The following DTWD2 variants were observed in gnomAD, a reference collection of about 807,000 sequenced individuals.
The protein encoded by DTWD2 is tRNA-uridine aminocarboxypropyltransferase 2.
In DTWD2, 39 loss-of-function variants were observed where a neutral mutation model predicts 31.8. The ratio of observed to expected loss-of-function variants is 1.22; its 90% CI spans 0.95 to 1.60. DTWD2 has a LOEUF of 1.60. DTWD2 is among the 40% of genes most tolerant of loss of function. The pLI is 0.00. For synonymous variants in DTWD2, 180 were observed against 142.8 expected, an observed-to-expected ratio of 1.26 and a Z score of -1.86; for missense variants, 515 against 381.5, an observed-to-expected ratio of 1.35 and a Z score of -2.92.
chr5:118,913,551 A>G lies in DTWD2; in HGVS notation c.597+14986T>C, dbSNP rs192117674. ...TTAAGTAAGAATTATATACAAAACC[A>G]AACTGTATTTCACTTGTCACAAGAA... is the stretch of plus-strand genomic sequence containing the variant. On this transcript the variant is annotated intron_variant, in intron 4 of 5. Coordinates refer to ENST00000510708, the MANE Select transcript of DTWD2 (RefSeq NM_173666.4). 2.4e-3 allele frequency among the ~76,000 whole-genome samples: 365 copies of G among 151,800 alleles called. 2 individuals are homozygous for G. The highest frequency in any genetic ancestry group is 5.4e-3 in the South Asian group (26 of 4,814).
At chr5:118,945,774 A>AAAAGAAAGAAAGAAAGAAAG (rs56103316) in intron 1 of DTWD2, among the ~76,000 whole-genome samples, 1,975 of 134,242 alleles carry the variant, frequency 0.015, 86 homozygotes, top group African/African-American at 0.054. Context: ...CAAAAAAAAA[A>AAAAGAAAGAAAGAAAGAAAG]AAAGAAAGAA....
chr5:118,898,658 C>CAA (rs200407705), intron 4 of DTWD2, among the ~76,000 whole-genome samples: 1,333 of 82,172 alleles, frequency 0.016, 22 homozygotes, highest in South Asian at 0.047. Flanking sequence ...GACTCCATCT[C>CAA]AAAAAAAAAA....
chr5:118,844,680 A>T (rs1246906957), intron 5 of DTWD2, among the ~76,000 whole-genome samples: 1 of 152,220 alleles, frequency 6.6e-6, no homozygotes, highest in Non-Finnish European at 1.5e-5. Context: ...ACTACTTCAA[A>T]ATCCACATTG....
At chr5:118,871,275 T>C (rs534673419) in intron 4 of DTWD2, among the ~76,000 whole-genome samples, 34 of 152,330 alleles carry the variant, frequency 2.2e-4, no homozygotes, top group Admixed American at 1.8e-3. Flanking sequence ...CCCCTCAAAG[T>C]CATCCACGAG....
intron 2 of DTWD2, among the ~76,000 whole-genome samples, chr5:118,939,681 A>G (rs1754138509): frequency 6.6e-6 from 1 of 152,218 alleles, no homozygotes; most frequent in Non-Finnish European, 1.5e-5. Context: ...TTATGCCCAA[A>G]AAAGCAAGGA....
intron 1 of DTWD2, among the ~76,000 whole-genome samples, chr5:118,968,073 T>G (rs1383791998): frequency 6.6e-6 from 1 of 152,152 alleles, no homozygotes; most frequent in Non-Finnish European, 1.5e-5. Context: ...GACTATTAAT[T>G]TGTAGCTAGT....
intron 4 of DTWD2, among the ~76,000 whole-genome samples, chr5:118,893,360 CAAAAA>C (rs751616981): frequency 1.9e-5 from 1 of 52,566 alleles, no homozygotes; most frequent in Non-Finnish European, 4.4e-5. Context: ...GACACAGTCT[CAAAAA>C]AAAAAAAAAA....
rs146682760 is a variant in DTWD2, at chr5:118,907,318, C to T, written c.597+21219G>A. On this transcript the variant is annotated intron_variant, in intron 4 of 5. Transcript: ENST00000510708. ...TAGACTTGTATTAGTCAGGGTTCTC[C>T]CCAGAAACAGAACTATTAGGATATA... Among the ~76,000 whole-genome samples the T allele has an allele frequency of 2.7e-3, 412 of 152,130 alleles. 1 individual carries two copies. Among genetic ancestry groups the T allele is most frequent in the African/African-American group, 9.4e-3 (392 of 41,498 alleles).
Position 118,842,861 on chromosome 5 carries a change from C to T in DTWD2, c.727-1774G>A, listed in dbSNP as rs1240636589. 2.6e-5 allele frequency among the ~76,000 whole-genome samples: 4 copies of T among 151,166 alleles called. No individual in the cohort carries two copies. In the East Asian group the frequency reaches 7.9e-4, roughly 30 times the overall value. On this transcript the variant is annotated intron_variant, in intron 5 of 5. Coordinates refer to ENST00000510708, the MANE Select transcript of DTWD2 (RefSeq NM_173666.4). The stretch of plus-strand genomic sequence containing the variant: ...ACTCGGGAGGCTGAGGCAGGAGGAT[C>T]GCTTGAGCCTGGGAGGTCAAGGCGG...
In DTWD2 at chr5:118,964,071, G is replaced by C. The variant is rs541139039; in HGVS notation, c.219-19422C>G. 2.6e-5 allele frequency among the ~76,000 whole-genome samples: 4 copies of C among 151,976 alleles called. No individual in the cohort carries two copies. In the South Asian group the frequency reaches 8.3e-4, roughly 32 times the overall value. ...TTAAAAATACAAAAATTAGCCAGGCGTGGTGGCTCACGCTTGTAATTCCAG... is the reference window on the plus strand; with the variant it reads ...TTAAAAATACAAAAATTAGCCAGGCCTGGTGGCTCACGCTTGTAATTCCAG... On this transcript the variant is annotated intron_variant, in intron 1 of 5. Coordinates refer to ENST00000510708, the MANE Select transcript of DTWD2 (RefSeq NM_173666.4).
At chr5:118,961,973 G>A (rs1442583721) in intron 1 of DTWD2, among the ~76,000 whole-genome samples, 2 of 152,220 alleles carry the variant, frequency 1.3e-5, no homozygotes, top group Non-Finnish European at 2.9e-5. Flanking sequence ...CAGGCGCAGT[G>A]GCTCATGCCG....
At chr5:118,986,513 G>C (rs893386817) in intron 1 of DTWD2, among the ~76,000 whole-genome samples, 2 of 152,158 alleles carry the variant, frequency 1.3e-5, no homozygotes, top group African/African-American at 4.8e-5. Context: ...AATGAATACA[G>C]TTTAAGTAAA....
intron 3 of DTWD2, among the ~76,000 whole-genome samples, chr5:118,933,281 T>C (rs925513489): frequency 1.3e-5 from 2 of 152,154 alleles, no homozygotes; most frequent in Non-Finnish European, 1.5e-5. Flanking sequence ...TTCCAGATCC[T>C]AAAAACAGAC....
At chr5:118,974,708 T>A (rs750019162) in intron 1 of DTWD2, 1 of 506,144 alleles carries the variant, frequency 2.0e-6, no homozygotes, top group Admixed American at 2.3e-5. Flanking sequence ...TCCTTTTTTG[T>A]CTATGAAGTT....
intron 1 of DTWD2, among the ~76,000 whole-genome samples, chr5:118,982,540 C>T (rs1755325353): frequency 6.6e-6 from 1 of 151,952 alleles, no homozygotes; most frequent in Admixed American, 6.6e-5. Context: ...TCTATACTAA[C>T]AGGAAAGAAC....
rs2149588544 is a variant in DTWD2 at position 118,950,381 on chromosome 5, A to G, written c.219-5732T>C. ...GGAGTGGGTAGTCTCTGTATTGATT[A>G]AGAAGGGGACGGCCTTACCCTCCAC... On this transcript the variant is annotated intron_variant, in intron 1 of 5. Transcript: ENST00000510708. Among the ~76,000 whole-genome samples the G allele has an allele frequency of 2.0e-5, 3 of 152,250 alleles. No individual in the cohort carries two copies. The South Asian group carries it at 6.2e-4, about 32-fold the overall frequency.
chr5:118,964,287 T>G (rs1185574230), intron 1 of DTWD2, among the ~76,000 whole-genome samples: 1 of 152,074 alleles, frequency 6.6e-6, no homozygotes, highest in Non-Finnish European at 1.5e-5. Flanking sequence ...GAGATATGAC[T>G]TCAGGATGAG....
chr5:118,859,376 A>C (rs1752208957), intron 4 of DTWD2, among the ~76,000 whole-genome samples: 1 of 152,212 alleles, frequency 6.6e-6, no homozygotes, highest in African/African-American at 2.4e-5. Context: ...ACTTATTTTT[A>C]AAGTATCATT....
At chr5:118,890,075 G>C (rs1255255069) in intron 4 of DTWD2, among the ~76,000 whole-genome samples, 2 of 152,156 alleles carry the variant, frequency 1.3e-5, no homozygotes, top group Non-Finnish European at 2.9e-5. Context: ...GAAGCCATCT[G>C]AAGTGTTTTG....
Sources: gnomAD v4.1 joint callset for allele counts (sites outside exome capture counted in the v4.1 genomes callset) on GRCh38, gnomAD v4.1.1 for gene constraint, MANE v1.5 for transcripts, NCBI Gene and HGNC (gene_info 2026-07-23, HGNC 2026-07-21) for gene names.